The following PLXDC1 variants were observed in gnomAD, a reference collection of about 807,000 sequenced individuals.
PLXDC1 encodes the protein plexin domain containing 1, also known as plexin domain-containing protein 1.
In PLXDC1, 39 loss-of-function variants were observed where a neutral mutation model predicts 61.3. The ratio of observed to expected loss-of-function variants is 0.64; its 90% CI spans 0.49 to 0.83. The LOEUF (loss-of-function observed/expected upper bound fraction) is 0.83. PLXDC1 is among the 40% of genes least tolerant of loss of function. PLXDC1 has a pLI of 0.00. For synonymous variants in PLXDC1, 212 were observed against 254.5 expected (o/e 0.83, Z 1.59); for missense variants, 596 against 666.5 (o/e 0.89, Z 1.17).
chr17:39,120,612 T>TG (rs1475526028), intron 2 of PLXDC1, among the ~76,000 whole-genome samples: 1 of 150,160 alleles, frequency 6.7e-6, no homozygotes, highest in African/African-American at 2.4e-5. Flanking sequence ...TTAGGTTTTT[T>TG]TTTTTTTTTT....
In PLXDC1 at chr17:39,151,632, G is replaced by A. The variant is rs186462427; in HGVS notation, c.-195C>T. 0.078 allele frequency: 82,260 copies of A among 1,058,348 alleles called. 3,565 individuals are homozygous for A. The highest frequency in any genetic ancestry group is 0.11 in the East Asian group (1,887 of 16,812). 65.6% of individuals were successfully genotyped at this position (1,058,348 alleles called of 1,614,324 possible). On this transcript the variant is annotated 5_prime_UTR_variant, in exon 1 of 14. Transcript: ENST00000315392. This position sits in a 1 kb window ranked among gnomAD's most constrained non-coding sequence, Gnocchi z 5.2. ...AGCGGAGCTGGAGGCTGCGGCCTCCGGGAGCAGGCGGGGAGCTGGGGGGGC... is the reference window on the plus strand; with the variant it reads ...AGCGGAGCTGGAGGCTGCGGCCTCCAGGAGCAGGCGGGGAGCTGGGGGGGC...
chr17:39,104,226 G>A (rs777658657), intron 7 of PLXDC1, among the ~76,000 whole-genome samples: 1 of 152,176 alleles, frequency 6.6e-6, no homozygotes, highest in Non-Finnish European at 1.5e-5. Context: ...TAGGGGCAAA[G>A]TATCACTCTT....
In PLXDC1 at chr17:39,145,125, G is replaced by A. The variant is rs10459918; in HGVS notation, c.77-5293C>T. ...ACAGAAAGTGCAGTAAAAAGTGACC[G>A]ACAATCCCCACTGTTTCCCAGGGTG... On this transcript the variant is annotated intron_variant, in intron 1 of 13. Coordinates refer to ENST00000315392, the MANE Select transcript of PLXDC1 (RefSeq NM_020405.5). 2.3e-3 allele frequency among the ~76,000 whole-genome samples: 344 copies of A among 152,224 alleles called. 9 individuals are homozygous for A. The East Asian group carries it at 0.036, about 16-fold the overall frequency.
At chr17:39,129,832 A>G (rs765451486) in intron 2 of PLXDC1, among the ~76,000 whole-genome samples, 2 of 152,216 alleles carry the variant, frequency 1.3e-5, no homozygotes, top group Non-Finnish European at 2.9e-5. Context: ...GTACATTTAC[A>G]CATGTTCACA....
At chr17:39,128,087 C>CTATGTGTATATATATATATATATATATA (rs1304464750) in intron 2 of PLXDC1, among the ~76,000 whole-genome samples, 1 of 67,252 alleles carries the variant, frequency 1.5e-5, no homozygotes, top group East Asian at 5.4e-4. Context: ...CTCTCTCTCT[C>CTATGTGTATATATATATATATATATATA]TCTCTATGTG....
At position 39,064,537 on chromosome 17, in the gene PLXDC1, C is replaced by CATTT. The variant is rs1235147665; in HGVS notation, c.*3302_*3303insAAAT. 7 of 152,080 alleles carry CATTT rather than the reference C, an allele frequency of 4.6e-5. No individual in the cohort carries two copies. The highest frequency in any genetic ancestry group is 7.4e-5 in the Non-Finnish European group (5 of 68,026). 9.4% of individuals were successfully genotyped at this position (152,080 alleles called of 1,614,324 possible). A position where few individuals can be genotyped will look rare whatever the true frequency, so the allele number is the denominator to read the frequency against. On this transcript the variant is annotated 3_prime_UTR_variant, in exon 14 of 14. Transcript: ENST00000315392. Reference sequence around the variant, plus strand: ...GATCACAGCCTCTTCTTAGTCATACCCATTTATACATGTCATGAGGGTCAT... The same window carrying CATTT: ...GATCACAGCCTCTTCTTAGTCATACCATTTCATTTATACATGTCATGAGGGTCAT...
At chr17:39,139,311 G>A (rs994153684) in intron 2 of PLXDC1, among the ~76,000 whole-genome samples, 3 of 152,226 alleles carry the variant, frequency 2.0e-5, no homozygotes, top group African/African-American at 7.2e-5. Flanking sequence ...TGGCAGCTGA[G>A]ATGTGACTCA....
chr17:39,089,015 AAAAGAAAGAACGG>A (rs1462894604), intron 7 of PLXDC1, among the ~76,000 whole-genome samples: 1 of 150,462 alleles, frequency 6.6e-6, no homozygotes, highest in Non-Finnish European at 1.5e-5. Context: ...GAATAGAAAG[AAAAGAAAGAACGG>A]AAAGAAAGAA....
In PLXDC1 at chr17:39,079,531, A is replaced by G. The variant is rs1225123281; in HGVS notation, c.990-367T>C. 3 of 459,522 alleles carry G rather than the reference A, an allele frequency of 6.5e-6. No homozygotes were observed. In the Admixed American group the frequency reaches 7.0e-5, roughly 11 times the overall value. 28.5% of individuals were successfully genotyped at this position (459,522 alleles called of 1,614,324 possible). On this transcript the variant is annotated intron_variant, in intron 9 of 13. Coordinates refer to ENST00000315392, the MANE Select transcript of PLXDC1 (RefSeq NM_020405.5). ...TTTCATCCTGGTTGTTGAGGGACCT[A>G]AACTTGGGAAAGAGAGTAGGGCTAA...
intron 7 of PLXDC1, among the ~76,000 whole-genome samples, chr17:39,098,041 T>TA (rs1372342848): frequency 1.3e-5 from 2 of 150,604 alleles, no homozygotes; most frequent in East Asian, 3.9e-4. Flanking sequence ...CCGTCTCTGC[T>TA]AAAAAATACA....
At position 39,063,353 on chromosome 17, in the gene PLXDC1, A is replaced by G; in HGVS notation, c.*4487T>C. 1.5e-6 allele frequency: 1 copy of G among 646,684 alleles called. No homozygotes were observed. Among genetic ancestry groups the G allele is most frequent in the Non-Finnish European group, 2.8e-6 (1 of 361,154 alleles). 40.1% of individuals were successfully genotyped at this position (646,684 alleles called of 1,614,324 possible). A position where few individuals can be genotyped will look rare whatever the true frequency, so the allele number is the denominator to read the frequency against. On this transcript the variant is annotated 3_prime_UTR_variant, in exon 14 of 14. Transcript: ENST00000315392. ...ATTGTATGTCCTCAGACAGTAGATA[A>G]AAATGCATGGGGTTTACTTCCAGGG...
At chr17:39,133,270 C>A (rs1385155426) in intron 2 of PLXDC1, among the ~76,000 whole-genome samples, 1 of 152,118 alleles carries the variant, frequency 6.6e-6, no homozygotes, top group Non-Finnish European at 1.5e-5. Flanking sequence ...CAGAACAAGG[C>A]CTAACAGGAC....
intron 7 of PLXDC1, among the ~76,000 whole-genome samples, chr17:39,105,084 C>T (rs1352687001): frequency 6.6e-6 from 1 of 152,190 alleles, no homozygotes; most frequent in Non-Finnish European, 1.5e-5. Context: ...CCCATCAAAG[C>T]CCAGGTGGGG....
intron 2 of PLXDC1, among the ~76,000 whole-genome samples, chr17:39,134,037 C>T (rs905299868): frequency 1.3e-5 from 2 of 151,824 alleles, no homozygotes; most frequent in Admixed American, 6.6e-5. Flanking sequence ...GTGGGTGGAT[C>T]ACGAGGTCAG....
chr17:39,128,117 A>ATATATATATATATATATATATTTATG (rs1419979117), intron 2 of PLXDC1, among the ~76,000 whole-genome samples: 1 of 96,426 alleles, frequency 1.0e-5, no homozygotes, highest in Non-Finnish European at 1.9e-5. Context: ...ATATATATGT[A>ATATATATATATATATATATATTTATG]TATATATATG....
At chr17:39,108,346 G>A in intron 4 of PLXDC1, 101 bp from the exon 5 acceptor site, 1 of 1,294,814 alleles carries the variant, frequency 7.7e-7, no homozygotes, top group African/African-American at 1.5e-5. Flanking sequence ...AGGCAGAGCT[G>A]GAAGTGAGCC....
chr17:39,124,907 G>A (rs372410641), intron 2 of PLXDC1, among the ~76,000 whole-genome samples: 5 of 152,058 alleles, frequency 3.3e-5, no homozygotes, highest in African/African-American at 1.2e-4. Context: ...TCCACCTCCC[G>A]GGCTCAAGTG....
intron 2 of PLXDC1, among the ~76,000 whole-genome samples, chr17:39,114,969 G>A (rs748896729): frequency 5.3e-5 from 8 of 152,222 alleles, no homozygotes; most frequent in African/African-American, 1.4e-4. Flanking sequence ...AGATGCTGAC[G>A]TGTCTCTTGC....
At chr17:39,120,374 A>G (rs1184348248) in intron 2 of PLXDC1, among the ~76,000 whole-genome samples, 1 of 152,050 alleles carries the variant, frequency 6.6e-6, no homozygotes, top group Non-Finnish European at 1.5e-5. Context: ...TCGGGCTCCC[A>G]AAGTGCTGGG....
Sources: gnomAD v4.1 joint callset for allele counts (sites outside exome capture counted in the v4.1 genomes callset) on GRCh38, gnomAD v4.1.1 for gene constraint, Gnocchi (gnomAD v3.1) non-coding constraint, MANE v1.5 for transcripts, NCBI Gene and HGNC (gene_info 2026-07-23, HGNC 2026-07-21) for gene names.